CCDC144A: variants seen among roughly 807,000 people sequenced by gnomAD.
The protein encoded by CCDC144A is coiled-coil domain containing 144A, also known as coiled-coil domain-containing protein 144A.
Under a neutral mutation model 143.8 loss-of-function variants are expected in CCDC144A, and 41 were observed. The ratio of observed to expected loss-of-function variants is 0.29; its 90% confidence interval spans 0.22 to 0.37. CCDC144A has a LOEUF of 0.37. Ranked by LOEUF, CCDC144A falls within the 10% of genes least tolerant of loss-of-function variation. CCDC144A has a pLI of 1.00. For missense variants in CCDC144A, 637 were observed against 1,488.8 expected (o/e 0.43, Z 9.41); for synonymous variants, 242 against 517.9 (o/e 0.47, Z 7.23).
chr17:16,730,887 A>C (rs1913709307), intron 9 of CCDC144A, among the ~76,000 whole-genome samples: 1 of 143,696 alleles, frequency 7.0e-6, no homozygotes. Flanking sequence ...TAAATCTAGG[A>C]GTCTTTAGGG....
At chr17:16,739,010 T>C (rs1250090337) in intron 12 of CCDC144A, among the ~76,000 whole-genome samples, 2 of 142,332 alleles carry the variant, frequency 1.4e-5, no homozygotes, top group Admixed American at 6.9e-5. Flanking sequence ...TGGTACCTCA[T>C]TGTGGTTTTG....
the CCDC144A span, among the ~76,000 whole-genome samples, chr17:16,682,502 A>T: frequency 1.3e-5 from 2 of 152,006 alleles, no homozygotes; most frequent in Non-Finnish European, 2.9e-5. Flanking sequence ...GAAATTAATG[A>T]CACAAAAATT....
chr17:16,729,625 G>A (rs866480134), intron 9 of CCDC144A, among the ~76,000 whole-genome samples: 20 of 151,380 alleles, frequency 1.3e-4, no homozygotes, highest in Admixed American at 4.6e-4. Flanking sequence ...GCGTGATCTC[G>A]GCTCATGGCT....
intron 5 of CCDC144A, among the ~76,000 whole-genome samples, chr17:16,710,712 T>C (rs1441398874): frequency 1.3e-5 from 2 of 152,162 alleles, no homozygotes; most frequent in Non-Finnish European, 2.9e-5. Flanking sequence ...AGTAGAAAGC[T>C]GAGTCCTCTA....
At chr17:16,772,671 CT>C (rs1180661661) in intron 16 of CCDC144A, 1 of 1,609,122 alleles carries the variant, frequency 6.2e-7, no homozygotes, top group African/African-American at 1.3e-5. Context: ...GCACTTGCTT[CT>C]TTGCTCTATC....
intron 14 of CCDC144A, among the ~76,000 whole-genome samples, chr17:16,763,052 A>G (rs1008487501): frequency 7.9e-5 from 12 of 151,178 alleles, no homozygotes; most frequent in African/African-American, 3.0e-4. Flanking sequence ...GGGTGCCTTG[A>G]GAAGAAGTGT....
the CCDC144A span, among the ~76,000 whole-genome samples, chr17:16,675,406 T>C: frequency 6.9e-6 from 1 of 144,112 alleles, no homozygotes; most frequent in Non-Finnish European, 1.5e-5. Context: ...AAGCTTGTCT[T>C]TTTTTTTATT....
chr17:16,764,477 T>A (rs1915514070), intron 15 of CCDC144A: 1 of 363,444 alleles, frequency 2.8e-6, no homozygotes, highest in African/African-American at 2.1e-5. Context: ...GTGCTTTGTC[T>A]TACTAATTGA....
intron 15 of CCDC144A, among the ~76,000 whole-genome samples, chr17:16,771,420 AT>A (rs1278345706): frequency 1.3e-5 from 2 of 152,266 alleles, no homozygotes; most frequent in Non-Finnish European, 2.9e-5. Flanking sequence ...TCATAATAGC[AT>A]AATATTTTTA....
chr17:16,746,060 C>T (rs1380974954), intron 12 of CCDC144A: 1 of 1,609,692 alleles, frequency 6.2e-7, no homozygotes, highest in Non-Finnish European at 8.5e-7. Flanking sequence ...GTGACGTCTC[C>T]TGGGGCTCCT....
chr17:16,723,480 T>C (rs1913211313), intron 8 of CCDC144A, among the ~76,000 whole-genome samples: 1 of 152,224 alleles, frequency 6.6e-6, no homozygotes, highest in Non-Finnish European at 1.5e-5. Flanking sequence ...TTTATTGGTT[T>C]CATCTTTGAT....
At chr17:16,732,704 G>A in intron 11 of CCDC144A, 38 bp downstream of exon 11, 1 of 1,482,394 alleles carries the variant, frequency 6.7e-7, no homozygotes. Flanking sequence ...ATTTTTGTAT[G>A]TGAATATATT....
At chr17:16,753,431 T>TG (rs1914904209) in intron 12 of CCDC144A, among the ~76,000 whole-genome samples, 4 of 115,066 alleles carry the variant, frequency 3.5e-5, no homozygotes, top group Admixed American at 1.6e-4. Flanking sequence ...TTTTGTAGTT[T>TG]TTTTTTTTTT....
At chr17:16,685,260 C>CA (rs1198049171), upstream of CCDC144A, among the ~76,000 whole-genome samples, 3 of 152,206 alleles carry the variant, frequency 2.0e-5, no homozygotes, top group Non-Finnish European at 4.4e-5. Flanking sequence ...CTCTTGACCT[C>CA]AAACAATCCA....
intron 2 of CCDC144A, among the ~76,000 whole-genome samples, chr17:16,702,943 T>C (rs1452847197): frequency 6.6e-6 from 1 of 152,122 alleles, no homozygotes; most frequent in African/African-American, 2.4e-5. Flanking sequence ...TTCATCATAG[T>C]GTGGCTATAC....
At chr17:16,755,599 G>A (rs1286162500) in intron 12 of CCDC144A, among the ~76,000 whole-genome samples, 2 of 152,150 alleles carry the variant, frequency 1.3e-5, no homozygotes, top group African/African-American at 2.4e-5. Context: ...TCACTCTGTT[G>A]CCCTGGCTGG....
At chr17:16,703,804 A>G (rs934964853) in intron 2 of CCDC144A, among the ~76,000 whole-genome samples, 5 of 152,138 alleles carry the variant, frequency 3.3e-5, no homozygotes, top group African/African-American at 7.2e-5. Flanking sequence ...CTCCATCTCA[A>G]AAAACAAACA....
intron 2 of CCDC144A, among the ~76,000 whole-genome samples, chr17:16,694,125 G>A (rs2261956): frequency 1.3e-5 from 2 of 149,986 alleles, no homozygotes; most frequent in African/African-American, 4.9e-5. Context: ...AGGTGGTAGA[G>A]GTGGGAGAAA....
the CCDC144A span, chr17:16,684,338 A>G: frequency 1.4e-6 from 1 of 694,008 alleles, no homozygotes; most frequent in Non-Finnish European, 2.6e-6. Context: ...AATTTCCATG[A>G]AGTTAATATC....
Sources: allele counts gnomAD v4.1 joint callset (sites outside exome capture counted in the v4.1 genomes callset), GRCh38; gene constraint gnomAD v4.1.1; transcripts MANE v1.5; gene names NCBI Gene and HGNC (gene_info 2026-07-23, HGNC 2026-07-21).